STARD10: variants seen among roughly 807,000 people sequenced by gnomAD.
STARD10 encodes the protein START domain-containing protein 10.
In STARD10, 24 loss-of-function variants were observed where a neutral mutation model predicts 36.0. The ratio of observed to expected loss-of-function variants is 0.67; its 90% CI spans 0.48 to 0.94. STARD10 has a LOEUF of 0.94. STARD10 is among the 40% of genes least tolerant of loss of function. The pLI is 0.00. For missense variants in STARD10, 335 were observed against 396.6 expected (o/e 0.84, Z 1.32); for synonymous variants, 156 against 161.9 (o/e 0.96, Z 0.28).
chr11:72,755,563 G>A (rs547704581), intron 6 of STARD10, 138 bp downstream of exon 6: 1 of 979,670 alleles, frequency 1.0e-6, no homozygotes, highest in South Asian at 1.3e-5. Context: ...CACCTGCCAA[G>A]GCCTCCCAAA....
chr11:72,765,454 A>G (rs543953945), intron 2 of STARD10, among the ~76,000 whole-genome samples: 2 of 152,174 alleles, frequency 1.3e-5, no homozygotes, highest in South Asian at 2.1e-4. Flanking sequence ...CCATGAAGCC[A>G]CAATCAGAAG....
intron 2 of STARD10, among the ~76,000 whole-genome samples, chr11:72,774,366 A>G (rs1362007445): frequency 6.6e-6 from 1 of 152,218 alleles, no homozygotes. Context: ...GTTATGCTAA[A>G]GCCCCAGAGA....
rs192400296 is a variant in STARD10 at position 72,785,392 on chromosome 11, C to G, written c.-113-4098G>C. Among the ~76,000 whole-genome samples, 12 of 151,770 alleles carry G rather than the reference C, an allele frequency of 7.9e-5. No individual in the cohort carries two copies. In the East Asian group the frequency reaches 2.3e-3, roughly 29 times the overall value. ...CCAGCCTGGCCAACATGGTGAAACCCCATCTCTACTAAAAATACAACAATT... is the reference window on the plus strand; with the variant it reads ...CCAGCCTGGCCAACATGGTGAAACCGCATCTCTACTAAAAATACAACAATT... On this transcript the variant is annotated intron_variant, in intron 1 of 6. Transcript: ENST00000334805.
At chr11:72,773,408 G>A (rs941498603) in intron 2 of STARD10, among the ~76,000 whole-genome samples, 2 of 152,234 alleles carry the variant, frequency 1.3e-5, no homozygotes, top group African/African-American at 2.4e-5. Context: ...TCAGAGCTGA[G>A]CCAGGGGCGG....
chr11:72,764,826 T>A (rs1249652646), intron 2 of STARD10, among the ~76,000 whole-genome samples: 1 of 152,180 alleles, frequency 6.6e-6, no homozygotes, highest in Non-Finnish European at 1.5e-5. Flanking sequence ...AGGTGTTGCC[T>A]GGTAGGCCAT....
chr11:72,770,537 T>C (rs1028721398), intron 2 of STARD10, among the ~76,000 whole-genome samples: 3 of 152,236 alleles, frequency 2.0e-5, no homozygotes, highest in Middle Eastern at 3.4e-3. Context: ...TTCTTCCTAA[T>C]TAAATGCATT....
chr11:72,774,784 A>G lies in STARD10; in HGVS notation c.207+6191T>C, dbSNP rs996805378. 2.0e-5 allele frequency among the ~76,000 whole-genome samples: 3 copies of G among 152,268 alleles called. No individual in the cohort carries two copies. In the South Asian group the frequency reaches 6.2e-4, roughly 31 times the overall value. On this transcript the variant is annotated intron_variant, in intron 2 of 6. Transcript: ENST00000334805. ...CCCCGCAGAGGCCCCGGAGCCCCAC[A>G]GAGCACAGGCCTCTGGGGTCACGGC...
At chr11:72,764,578 C>T (rs1858761739) in intron 2 of STARD10, among the ~76,000 whole-genome samples, 1 of 152,224 alleles carries the variant, frequency 6.6e-6, no homozygotes, top group Non-Finnish European at 1.5e-5. Context: ...TGGCTCGTGC[C>T]CTTTCCATAG....
At position 72,754,980 on chromosome 11, in the gene STARD10, C is replaced by G. The variant is rs773157313; in HGVS notation, c.793G>C (p.Glu265Gln). ...QHADSLENID[E>Q]SAVAESREER... The stretch of plus-strand genomic sequence containing the variant: ...TCTCTGCTCTCGGCCACCGCGCTCT[C>G]GTCGATGTTCTCCAGTGAGTCCGCA... The change falls in exon 7 of 7, where the codon GAG becomes CAG. Residue 265 changes from glutamate to glutamine, a missense_variant. Glu to Gln is a conservative substitution (Grantham distance 29). Coordinates refer to ENST00000334805, the MANE Select transcript of STARD10 (RefSeq NM_006645.3). 3 of 1,611,782 alleles carry G rather than the reference C, an allele frequency of 1.9e-6. No homozygotes were observed. Among genetic ancestry groups the G allele is most frequent in the East Asian group, 2.2e-5 (1 of 44,830 alleles).
rs1681501 is a variant in STARD10, at chr11:72,794,016, C to A, written c.-1255G>T. 1 of 152,262 alleles carries A rather than the reference C, an allele frequency of 6.6e-6. No homozygotes were observed. The highest frequency in any genetic ancestry group is 2.1e-4 in the South Asian group (1 of 4,832). The allele number at this position is 152,262 out of a possible 1,614,324, so 9.4% of individuals were successfully genotyped here. A position where few individuals can be genotyped will look rare whatever the true frequency, so the allele number is the denominator to read the frequency against. On this transcript the variant is annotated 5_prime_UTR_variant, in exon 1 of 7. Coordinates refer to ENST00000334805, the MANE Select transcript of STARD10 (RefSeq NM_006645.3). ...TCAGTCATCGCGTCACCAAGCCCCACGTGCAGGTTCTGGCATCCATCATGG... is the reference window on the plus strand; with the variant it reads ...TCAGTCATCGCGTCACCAAGCCCCAAGTGCAGGTTCTGGCATCCATCATGG...
In STARD10 at chr11:72,757,978, TAC is replaced by T. The variant is rs1444540032; in HGVS notation, c.460-96_460-95del. On this transcript the variant is annotated intron_variant, in intron 4 of 6. Transcript: ENST00000334805. ...ACAAACGCGCACGCGCACACACACATACAGTTAATTCACATGCCGTGACATCT... is the reference window on the plus strand; with the variant it reads ...ACAAACGCGCACGCGCACACACACATAGTTAATTCACATGCCGTGACATCT... 52 of 1,045,230 alleles carry T rather than the reference TAC, an allele frequency of 5.0e-5. No homozygotes were observed. In the Middle Eastern group the frequency reaches 1.7e-3, roughly 34 times the overall value. The allele number at this position is 1,045,230 out of a possible 1,614,324, so 64.7% of individuals were successfully genotyped here.
At position 72,755,036 on chromosome 11, in the gene STARD10, C is replaced by A; in HGVS notation, c.737G>T (p.Ser246Ile). ...WLHPEQSPLP[S>I]LALSELSVQH... ...CACCGACAGCTCCGACAGCGCCAGG[C>A]TCGGCAACGGGCTCTGCTCCGGGTG... Residue 246 changes from serine (S) to isoleucine (I), a missense_variant, in exon 7 of 7, where the codon AGC becomes ATC. Transcript: ENST00000334805. The A allele has an allele frequency of 6.2e-7, 1 of 1,613,234 alleles. No homozygotes were observed.
chr11:72,787,779 A>T (rs970117745), intron 1 of STARD10, among the ~76,000 whole-genome samples: 1 of 152,206 alleles, frequency 6.6e-6, no homozygotes, highest in Non-Finnish European at 1.5e-5. Context: ...AGGAAGGACA[A>T]GGTTGTCTAG....
At position 72,758,521 on chromosome 11, in the gene STARD10, T is replaced by G. The variant is rs201993514; in HGVS notation, c.459+9A>C. Reference sequence around the variant, plus strand: ...CCTGCTCCACCGCAGGGAAGGCAGGTTGACTCACGGGATGTTTGACTGAGT... The same window carrying G: ...CCTGCTCCACCGCAGGGAAGGCAGGGTGACTCACGGGATGTTTGACTGAGT... On this transcript the variant is annotated intron_variant, in intron 4 of 6. Transcript: ENST00000334805. 1 of 1,611,640 alleles carries G rather than the reference T, an allele frequency of 6.2e-7. No homozygotes were observed. The highest frequency in any genetic ancestry group is 2.2e-5 in the East Asian group (1 of 44,862).
In STARD10 at chr11:72,769,092, G is replaced by C. The variant is rs970898092; in HGVS notation, c.208-9711C>G. ...CATCATCCTCTTAAAAAGGGGTAAAGGGCTGGGGGGTGGAGGCATGAGGCG... is the reference window on the plus strand; with the variant it reads ...CATCATCCTCTTAAAAAGGGGTAAACGGCTGGGGGGTGGAGGCATGAGGCG... On this transcript the variant is annotated intron_variant, in intron 2 of 6. Coordinates refer to ENST00000334805, the MANE Select transcript of STARD10 (RefSeq NM_006645.3). 3.2e-4 allele frequency among the ~76,000 whole-genome samples: 48 copies of C among 152,212 alleles called. 1 individual carries two copies. Among genetic ancestry groups the C allele is most frequent in the African/African-American group, 2.2e-4 (9 of 41,446 alleles).
intron 2 of STARD10, among the ~76,000 whole-genome samples, chr11:72,767,135 G>T (rs181197080): frequency 6.6e-6 from 1 of 152,292 alleles, no homozygotes; most frequent in East Asian, 1.9e-4. Flanking sequence ...ATGAGAGGAA[G>T]AATTCCTGAT....
chr11:72,781,144 G>A lies in STARD10; in HGVS notation c.38C>T (p.Pro13Leu), dbSNP rs962855351. Residue 13 changes from proline to leucine, a missense_variant, in exon 2 of 7, where the codon CCT becomes CTT. By Grantham distance (98) the Pro-to-Leu change is moderately conservative. Transcript: ENST00000334805. This position sits in a 1 kb window ranked among gnomAD's most constrained non-coding sequence, Gnocchi z 4.7. ...ACTCTCACGGCCCAGGACCGGCCGAGGCCCTTGGGGCTCTGTAGAGGCCGC... is the reference window on the plus strand; with the variant it reads ...ACTCTCACGGCCCAGGACCGGCCGAAGCCCTTGGGGCTCTGTAGAGGCCGC... ...KLAASTEPQG[P>L]RPVLGRESVQ... 1 of 1,612,866 alleles carries A rather than the reference G, an allele frequency of 6.2e-7. No individual in the cohort carries two copies. Among genetic ancestry groups the A allele is most frequent in the East Asian group, 2.2e-5 (1 of 44,868 alleles).
At chr11:72,785,354 CAGG>C (rs997771835) in intron 1 of STARD10, among the ~76,000 whole-genome samples, 8 of 151,782 alleles carry the variant, frequency 5.3e-5, no homozygotes, top group African/African-American at 1.7e-4. Flanking sequence ...CACCTGAGGT[CAGG>C]AGTTCAAGAC....
intron 2 of STARD10, 44 bp from the exon 3 acceptor site, chr11:72,759,425 G>A (rs770703925): frequency 6.2e-7 from 1 of 1,610,550 alleles, no homozygotes; most frequent in Non-Finnish European, 8.5e-7. Context: ...ATGGGGCTCA[G>A]AGCCTTGGCC....
Sources: gnomAD v4.1 joint callset for allele counts (sites outside exome capture counted in the v4.1 genomes callset) on GRCh38, gnomAD v4.1.1 for gene constraint, Gnocchi (gnomAD v3.1) non-coding constraint, MANE v1.5 for transcripts, NCBI Gene and HGNC (gene_info 2026-07-23, HGNC 2026-07-21) for gene names.